SPIDR: variants seen among roughly 807,000 people sequenced by gnomAD.
The protein encoded by SPIDR is DNA repair-scaffolding protein.
SPIDR carries 93 observed loss-of-function variants against 104.6 expected under a neutral mutation model. That is an observed-to-expected ratio of 0.89 (90% confidence interval 0.75 to 1.06). The LOEUF is 1.06. SPIDR is among the 50% of genes least tolerant of loss of function. The pLI, the probability that SPIDR is intolerant of heterozygous loss-of-function variation, is 0.00. For synonymous variants in SPIDR, 431 were observed against 416.9 expected (o/e 1.03, Z -0.41); for missense variants, 1,154 against 1,111.2 (o/e 1.04, Z -0.55).
chr8:47,538,046 G>C (rs191399596), intron 8 of SPIDR, among the ~76,000 whole-genome samples: 1 of 152,054 alleles, frequency 6.6e-6, no homozygotes, highest in East Asian at 1.9e-4. Flanking sequence ...GTGGTGACTC[G>C]CGCATATAAT....
intron 10 of SPIDR, among the ~76,000 whole-genome samples, chr8:47,646,497 G>C (rs2070385536): frequency 6.6e-6 from 1 of 152,230 alleles, no homozygotes; most frequent in South Asian, 2.1e-4. Flanking sequence ...GTGATAGCAA[G>C]TGGAAATGGC....
At chr8:47,268,655 G>A (rs1156236510) in intron 1 of SPIDR, among the ~76,000 whole-genome samples, 3 of 152,022 alleles carry the variant, frequency 2.0e-5, no homozygotes, top group Non-Finnish European at 2.9e-5. Context: ...ATGGAGTCTC[G>A]CTGTGTTGCC....
At chr8:47,696,205 C>T (rs1358819321) in intron 11 of SPIDR, among the ~76,000 whole-genome samples, 2 of 152,202 alleles carry the variant, frequency 1.3e-5, no homozygotes, top group African/African-American at 4.8e-5. Context: ...GACTCTTGAA[C>T]TGAATTTGTA....
chr8:47,735,621 AAATC>A lies in SPIDR; in HGVS notation c.*174_*177del. 7.8e-7 allele frequency: 1 copy of A among 1,282,312 alleles called. No individual in the cohort carries two copies. Among genetic ancestry groups the A allele is most frequent in the Non-Finnish European group, 1.1e-6 (1 of 951,612 alleles). The allele number at this position is 1,282,312 out of a possible 1,614,324, so 79.4% of individuals were successfully genotyped here. ...GTTCAGATACAGTTTTGTGAACTGTAAATCAAAATACCTTTTTCTACAGTTTATC... is the reference window on the plus strand; with the variant it reads ...GTTCAGATACAGTTTTGTGAACTGTAAAAATACCTTTTTCTACAGTTTATC... On this transcript the variant is annotated 3_prime_UTR_variant, in exon 20 of 20. Coordinates refer to ENST00000297423, the MANE Select transcript of SPIDR (RefSeq NM_001080394.4).
intron 8 of SPIDR, among the ~76,000 whole-genome samples, chr8:47,475,346 T>C (rs1554723174): frequency 6.6e-6 from 1 of 152,232 alleles, no homozygotes; most frequent in East Asian, 1.9e-4. Flanking sequence ...TCATGAAAGA[T>C]AGCAAAGATG....
At chr8:47,593,731 A>G (rs565701128) in intron 8 of SPIDR, among the ~76,000 whole-genome samples, 2 of 152,264 alleles carry the variant, frequency 1.3e-5, no homozygotes, top group East Asian at 1.9e-4. Flanking sequence ...CTCAGTTGAC[A>G]GTTGAGAGAG....
chr8:47,490,551 G>A (rs1331086201), intron 8 of SPIDR, among the ~76,000 whole-genome samples: 2 of 152,222 alleles, frequency 1.3e-5, no homozygotes, highest in Admixed American at 6.5e-5. Flanking sequence ...GCACATGTAC[G>A]TTTATTGTGG....
At chr8:47,327,459 A>G (rs972634490) in intron 5 of SPIDR, among the ~76,000 whole-genome samples, 4 of 149,008 alleles carry the variant, frequency 2.7e-5, no homozygotes, top group Non-Finnish European at 5.9e-5. Flanking sequence ...TGGCACAATC[A>G]TGGCTCACTA....
At chr8:47,347,597 G>C (rs2052403947) in intron 5 of SPIDR, among the ~76,000 whole-genome samples, 1 of 152,154 alleles carries the variant, frequency 6.6e-6, no homozygotes, top group South Asian at 2.1e-4. Context: ...AAGTCTCTTT[G>C]TAGATCTGTA....
rs1004378430 is a variant in SPIDR, at chr8:47,294,001, A to G, written c.496A>G (p.Ser166Gly). 42 of 1,613,888 alleles carry G rather than the reference A, an allele frequency of 2.6e-5. No individual in the cohort carries two copies. Among genetic ancestry groups the G allele is most frequent in the Non-Finnish European group, 3.6e-5 (42 of 1,179,894 alleles). The change falls in exon 5 of 20, where the codon AGT (serine) becomes GGT (glycine). Residue 166 changes from serine (S) to glycine (G), a missense_variant. Coordinates refer to ENST00000297423, the MANE Select transcript of SPIDR (RefSeq NM_001080394.4). The part of the protein sequence containing the change: ...ASCASNQSLT[S>G]DEKLSELPKP... The stretch of plus-strand genomic sequence containing the variant: ...TTGTGCAAGTAATCAGTCTTTGACA[A>G]GTGATGAGAAGCTGTCGGAGCTTCC...
intron 14 of SPIDR, among the ~76,000 whole-genome samples, chr8:47,703,309 A>G (rs999506599): frequency 6.6e-5 from 10 of 152,260 alleles, no homozygotes; most frequent in Admixed American, 3.3e-4. Flanking sequence ...ACAGTGGAAG[A>G]ATAAGAGAGT....
intron 7 of SPIDR, among the ~76,000 whole-genome samples, chr8:47,421,636 T>C (rs2065482653): frequency 6.6e-6 from 1 of 152,238 alleles, no homozygotes; most frequent in Non-Finnish European, 1.5e-5. Flanking sequence ...CATCCAGCTT[T>C]GTTCCGTTCC....
chr8:47,698,356 A>G (rs914208461), intron 11 of SPIDR, among the ~76,000 whole-genome samples: 2 of 152,214 alleles, frequency 1.3e-5, no homozygotes, highest in African/African-American at 2.4e-5. Context: ...GTGAGCTTCT[A>G]CACCAAGTCT....
At chr8:47,500,589 G>A (rs983522214) in intron 8 of SPIDR, among the ~76,000 whole-genome samples, 5 of 152,042 alleles carry the variant, frequency 3.3e-5, no homozygotes, top group African/African-American at 9.7e-5. Context: ...CTCATTCTTA[G>A]GTTGCCTGTT....
chr8:47,567,638 G>C (rs985422056), intron 8 of SPIDR, among the ~76,000 whole-genome samples: 8 of 152,124 alleles, frequency 5.3e-5, no homozygotes, highest in African/African-American at 1.9e-4. Context: ...TCAGAGAAGT[G>C]AGGTTAGTAT....
intron 8 of SPIDR, chr8:47,511,224 C>G: frequency 6.3e-7 from 1 of 1,590,710 alleles, no homozygotes; most frequent in Non-Finnish European, 8.6e-7. Context: ...TCTGCACCAG[C>G]CTCCCACCGT....
intron 5 of SPIDR, among the ~76,000 whole-genome samples, chr8:47,384,284 T>G (rs1403435614): frequency 6.6e-6 from 1 of 152,222 alleles, no homozygotes; most frequent in Non-Finnish European, 1.5e-5. Context: ...GTTGTATATG[T>G]ACGTTTTTGT....
chr8:47,500,465 C>A (rs1049549790), intron 8 of SPIDR, among the ~76,000 whole-genome samples: 7 of 152,114 alleles, frequency 4.6e-5, no homozygotes, highest in African/African-American at 1.7e-4. Context: ...CTGTTCATAT[C>A]CTTCACCCAC....
intron 8 of SPIDR, among the ~76,000 whole-genome samples, chr8:47,542,498 C>A (rs1051622221): frequency 4.6e-5 from 7 of 152,066 alleles, no homozygotes; most frequent in African/African-American, 1.7e-4. Flanking sequence ...AATTCAGATT[C>A]CACACAGTAG....
Sources: gnomAD v4.1 joint callset for allele counts (sites outside exome capture counted in the v4.1 genomes callset) on GRCh38, gnomAD v4.1.1 for gene constraint, MANE v1.5 for transcripts, NCBI Gene and HGNC (gene_info 2026-07-23, HGNC 2026-07-21) for gene names.